Variants in SV2C observed in about 807,000 individuals in gnomAD.
SV2C encodes the protein solute carrier family 22 member B3.
A neutral mutation model predicts 79.7 loss-of-function variants in SV2C; 49 were observed. That is an observed-to-expected ratio of 0.61 (90% confidence interval 0.49 to 0.78). SV2C has a LOEUF of 0.78. Among genes scored for constraint, SV2C ranks in the 30% least tolerant of loss-of-function variants. The pLI is 0.00. For missense variants in SV2C, 833 were observed against 912.9 expected (o/e 0.91, Z 1.13); for synonymous variants, 334 against 333.2 (o/e 1.00, Z -0.03).
intron 4 of SV2C, among the ~76,000 whole-genome samples, chr5:76,244,996 T>C (rs1482751662): frequency 3.9e-5 from 6 of 152,248 alleles, no homozygotes; most frequent in African/African-American, 1.4e-4. Context: ...ACAGGAACTG[T>C]CTCTTTCTTT....
chr5:75,991,566 GATATAT>G, the SV2C span, among the ~76,000 whole-genome samples: 155 of 140,380 alleles, frequency 1.1e-3, 2 homozygotes, highest in African/African-American at 3.8e-3. Flanking sequence ...TTCTTAGCAA[GATATAT>G]ATATATATAT....
chr5:76,123,313 C>T (rs1748594313), intron 1 of SV2C, among the ~76,000 whole-genome samples: 1 of 152,086 alleles, frequency 6.6e-6, no homozygotes, highest in Non-Finnish European at 1.5e-5. Flanking sequence ...GAGGAACTGG[C>T]ACCATTTCTT....
chr5:75,939,568 C>T, the SV2C span, among the ~76,000 whole-genome samples: 3 of 152,144 alleles, frequency 2.0e-5, no homozygotes, highest in African/African-American at 4.8e-5. Context: ...CCAAAGCAGA[C>T]ATTGTCTATT....
chr5:76,041,896 G>A, the SV2C span, among the ~76,000 whole-genome samples: 35 of 152,186 alleles, frequency 2.3e-4, no homozygotes, highest in African/African-American at 7.0e-4. Flanking sequence ...ATTCACTGAC[G>A]GAAGAGAATC....
At chr5:76,143,764 G>A (rs55807157) in intron 2 of SV2C, among the ~76,000 whole-genome samples, 26 of 152,224 alleles carry the variant, frequency 1.7e-4, no homozygotes, top group African/African-American at 5.5e-4. Flanking sequence ...TTTTAACATC[G>A]AGGATCTTCT....
chr5:75,901,064 T>C, the SV2C span, among the ~76,000 whole-genome samples: 1 of 152,244 alleles, frequency 6.6e-6, no homozygotes, highest in Non-Finnish European at 1.5e-5. Context: ...TTTGATCATC[T>C]GAAGCCTTCT....
intron 3 of SV2C, among the ~76,000 whole-genome samples, chr5:76,200,263 C>T (rs941970360): frequency 6.6e-6 from 1 of 152,200 alleles, no homozygotes; most frequent in Non-Finnish European, 1.5e-5. Flanking sequence ...GGCAGAATTC[C>T]CACATTGGTA....
chr5:76,186,215 C>T (rs1173203179), intron 2 of SV2C, among the ~76,000 whole-genome samples: 3 of 152,236 alleles, frequency 2.0e-5, no homozygotes, highest in Non-Finnish European at 2.9e-5. Flanking sequence ...AACCTTCCCA[C>T]ATCTTCCTGT....
chr5:76,052,979 A>G, the SV2C span, among the ~76,000 whole-genome samples: 17 of 151,936 alleles, frequency 1.1e-4, no homozygotes, highest in African/African-American at 4.1e-4. Flanking sequence ...AAAATTTCAG[A>G]CATGGTGATT....
chr5:75,920,234 G>T, the SV2C span, among the ~76,000 whole-genome samples: 2 of 152,200 alleles, frequency 1.3e-5, no homozygotes, highest in Non-Finnish European at 1.5e-5. Context: ...CAAGGATGTG[G>T]TACTGACTTC....
chr5:76,258,131 GGTGT>G (rs10664841), intron 4 of SV2C, among the ~76,000 whole-genome samples: 1 of 148,458 alleles, frequency 6.7e-6, no homozygotes, highest in Non-Finnish European at 1.5e-5. Flanking sequence ...TGGTATATGG[GGTGT>G]GTGTGTGTGT....
the SV2C span, among the ~76,000 whole-genome samples, chr5:76,040,154 TTAAAAA>T: frequency 6.6e-6 from 1 of 152,266 alleles, no homozygotes; most frequent in Middle Eastern, 3.4e-3. Context: ...GATAGAATAG[TTAAAAA>T]TAAAGATTAA....
chr5:76,114,404 T>C (rs1748194965), intron 1 of SV2C, among the ~76,000 whole-genome samples: 1 of 152,160 alleles, frequency 6.6e-6, no homozygotes, highest in Admixed American at 6.5e-5. Flanking sequence ...AAAGAGAAAC[T>C]ACAACATTTC....
At chr5:75,896,483 T>A in the SV2C span, among the ~76,000 whole-genome samples, 1 of 151,630 alleles carries the variant, frequency 6.6e-6, no homozygotes, top group Non-Finnish European at 1.5e-5. Context: ...TTTGGGTTGG[T>A]TCCAAGTCTT....
chr5:76,239,911 C>A (rs948310041), intron 4 of SV2C, among the ~76,000 whole-genome samples: 1 of 152,148 alleles, frequency 6.6e-6, no homozygotes, highest in African/African-American at 2.4e-5. Context: ...TGCCCAACTC[C>A]CAGGAGGGCT....
intron 12 of SV2C, among the ~76,000 whole-genome samples, chr5:76,351,765 C>A (rs1749646355): frequency 6.6e-6 from 1 of 152,168 alleles, no homozygotes; most frequent in African/African-American, 2.4e-5. Flanking sequence ...TGTAATAGCT[C>A]CAACTATAGT....
At chr5:76,032,134 T>G in the SV2C span, among the ~76,000 whole-genome samples, 1 of 152,202 alleles carries the variant, frequency 6.6e-6, no homozygotes, top group Non-Finnish European at 1.5e-5. Flanking sequence ...CTAATGAATA[T>G]TCAAAGAACA....
chr5:75,872,733 T>A, the SV2C span, among the ~76,000 whole-genome samples: 2 of 152,034 alleles, frequency 1.3e-5, no homozygotes, highest in Non-Finnish European at 2.9e-5. Context: ...ATAGTTTGAA[T>A]ATAAACGTGA....
chr5:75,967,796 C>A, the SV2C span, among the ~76,000 whole-genome samples: 3 of 152,316 alleles, frequency 2.0e-5, no homozygotes, highest in East Asian at 5.8e-4. Context: ...ACTTAAATGT[C>A]CCTGTCTGAC....
Sources: allele counts gnomAD v4.1 joint callset (sites outside exome capture counted in the v4.1 genomes callset), GRCh38; gene constraint gnomAD v4.1.1; transcripts MANE v1.5; gene names NCBI Gene and HGNC (gene_info 2026-07-23, HGNC 2026-07-21).